Variants in SNX24 observed in about 807,000 individuals in gnomAD.
SNX24 encodes sorting nexin-24.
Under a neutral mutation model 28.7 loss-of-function variants are expected in SNX24, and 22 were observed. That is an observed-to-expected ratio of 0.77 (90% CI 0.55 to 1.10). The LOEUF (loss-of-function observed/expected upper bound fraction) is 1.10, where lower values mean the gene tolerates loss of function less well. SNX24 is among the 50% of genes least tolerant of loss of function. The probability of loss-of-function intolerance (pLI) is 0.00; values close to 1 mark genes in which losing one functional copy is unlikely to be tolerated. For synonymous variants in SNX24, 69 were observed against 71.5 expected, an observed-to-expected ratio of 0.96 and a Z score of 0.18; for missense variants, 221 against 201.1, an observed-to-expected ratio of 1.10 and a Z score of -0.60.
intron 3 of SNX24, among the ~76,000 whole-genome samples, chr5:122,997,449 G>C (rs1762089198): frequency 6.6e-6 from 1 of 152,162 alleles, no homozygotes; most frequent in Admixed American, 6.5e-5. Context: ...AACTCTGTTT[G>C]GGGAAGCTGA....
At chr5:122,888,891 G>A (rs916415258) in intron 1 of SNX24, among the ~76,000 whole-genome samples, 7 of 152,176 alleles carry the variant, frequency 4.6e-5, no homozygotes, top group African/African-American at 9.6e-5. Flanking sequence ...TCACTCTGTC[G>A]CCAAGAATGG....
chr5:123,000,258 C>T (rs1762201235), intron 4 of SNX24, among the ~76,000 whole-genome samples: 1 of 152,218 alleles, frequency 6.6e-6, no homozygotes, highest in Admixed American at 6.5e-5. Flanking sequence ...TTTTCAATTA[C>T]ACTGTTACAT....
At chr5:123,021,064 C>G (rs1418451608) in intron 5 of SNX24, among the ~76,000 whole-genome samples, 1 of 152,024 alleles carries the variant, frequency 6.6e-6, no homozygotes, top group East Asian at 1.9e-4. Context: ...CTGCCCATCA[C>G]TGATGACCAC....
Position 123,007,899 on chromosome 5 carries a change from A to T in SNX24, c.*150A>T. 1 of 1,447,160 alleles carries T rather than the reference A, an allele frequency of 6.9e-7. No homozygotes were observed. Among genetic ancestry groups the T allele is most frequent in the African/African-American group, 1.4e-5 (1 of 69,208 alleles). 89.6% of individuals were successfully genotyped at this position (1,447,160 alleles called of 1,614,324 possible). On this transcript the variant is annotated 3_prime_UTR_variant, in exon 7 of 7. Transcript: ENST00000261369. ...TCCCAGCTTAATTCAGGGCAGGGAC[A>T]TTTCCATTAGAATGGTGCTCTTAAA...
chr5:122,859,384 C>A (rs886750850), intron 1 of SNX24, among the ~76,000 whole-genome samples: 11 of 151,898 alleles, frequency 7.2e-5, no homozygotes, highest in Admixed American at 7.2e-4. Context: ...TGGGAAGATC[C>A]CTTGAGCCCA....
At chr5:122,857,096 C>T (rs1197169265) in intron 1 of SNX24, among the ~76,000 whole-genome samples, 1 of 152,070 alleles carries the variant, frequency 6.6e-6, no homozygotes, top group East Asian at 1.9e-4. Context: ...ACCACAACCT[C>T]CGCCTCCCGG....
At chr5:122,937,453 C>T (rs1212611036) in intron 2 of SNX24, among the ~76,000 whole-genome samples, 1 of 152,118 alleles carries the variant, frequency 6.6e-6, no homozygotes, top group Non-Finnish European at 1.5e-5. Flanking sequence ...GTTATTAAAG[C>T]ACAGAAGAGT....
chr5:122,858,905 G>C (rs1755328237), intron 1 of SNX24, among the ~76,000 whole-genome samples: 1 of 152,016 alleles, frequency 6.6e-6, no homozygotes, highest in African/African-American at 2.4e-5. Flanking sequence ...CCACCACCAC[G>C]CCTGGCCAAT....
intron 1 of SNX24, among the ~76,000 whole-genome samples, chr5:122,893,569 A>C (rs147930649): frequency 6.6e-6 from 1 of 152,166 alleles, no homozygotes; most frequent in East Asian, 1.9e-4. Context: ...GCATATACAC[A>C]TATTTTAAAT....
chr5:122,848,541 TAAAAA>T (rs33950601), intron 1 of SNX24, among the ~76,000 whole-genome samples: 1 of 135,172 alleles, frequency 7.4e-6, no homozygotes, highest in Admixed American at 7.3e-5. Flanking sequence ...CATCTCTACT[TAAAAA>T]AAAAAAAAAA....
At chr5:122,906,089 A>C (rs1284362054) in intron 1 of SNX24, among the ~76,000 whole-genome samples, 1 of 152,244 alleles carries the variant, frequency 6.6e-6, no homozygotes, top group Non-Finnish European at 1.5e-5. Flanking sequence ...ACCTGCAGGT[A>C]AAGTGTTCCT....
Position 122,903,231 on chromosome 5 carries a change from C to T in SNX24, c.61-33503C>T, listed in dbSNP as rs141749466. On this transcript the variant is annotated intron_variant, in intron 1 of 6. Coordinates refer to ENST00000261369, the MANE Select transcript of SNX24 (RefSeq NM_014035.4). ...CAGAGGATCCTCCCACCTCAGCCTC[C>T]CTAGTCACTGGGACTACAGGCATGT... is the stretch of plus-strand genomic sequence containing the variant. 9.2e-5 allele frequency among the ~76,000 whole-genome samples: 14 copies of T among 152,134 alleles called. No individual in the cohort carries two copies. The East Asian group carries it at 1.2e-3, about 13-fold the overall frequency.
intron 3 of SNX24, among the ~76,000 whole-genome samples, chr5:122,988,938 A>C (rs1424795275): frequency 6.6e-6 from 1 of 152,184 alleles, no homozygotes; most frequent in Non-Finnish European, 1.5e-5. Context: ...TTAAAGTAGT[A>C]AATTAAAAAT....
intron 3 of SNX24, among the ~76,000 whole-genome samples, chr5:122,966,077 A>G (rs192574904): frequency 5.9e-5 from 9 of 152,222 alleles, no homozygotes; most frequent in African/African-American, 1.9e-4. Flanking sequence ...TTTAGTGCCA[A>G]AAACTGTTTT....
chr5:123,000,874 A>C (rs1461475614), intron 4 of SNX24, among the ~76,000 whole-genome samples: 1 of 152,220 alleles, frequency 6.6e-6, no homozygotes, highest in Non-Finnish European at 1.5e-5. Flanking sequence ...TAACTACAAG[A>C]AAATCAAGCA....
intron 3 of SNX24, among the ~76,000 whole-genome samples, chr5:122,980,447 C>G (rs1761344530): frequency 6.6e-6 from 1 of 152,126 alleles, no homozygotes; most frequent in African/African-American, 2.4e-5. Context: ...TTAGCTTTGT[C>G]TCTTCCCAAT....
At chr5:123,028,797 G>A (rs375762834) in intron 5 of SNX24, 2 of 1,613,500 alleles carry the variant, frequency 1.2e-6, no homozygotes, top group Non-Finnish European at 1.7e-6. Context: ...CTCCAGTGGT[G>A]ATGTCACCTC....
At chr5:122,991,909 C>A (rs565370595) in intron 3 of SNX24, among the ~76,000 whole-genome samples, 2 of 151,904 alleles carry the variant, frequency 1.3e-5, no homozygotes, top group East Asian at 3.9e-4. Flanking sequence ...TTTAATTGAA[C>A]CAATTTCAAT....
intron 3 of SNX24, among the ~76,000 whole-genome samples, chr5:122,963,479 G>T (rs745349174): frequency 1.3e-5 from 2 of 152,146 alleles, no homozygotes; most frequent in Non-Finnish European, 2.9e-5. Context: ...AAGGTAGATG[G>T]TTTTATCTGA....
Sources: allele counts gnomAD v4.1 joint callset (sites outside exome capture counted in the v4.1 genomes callset), GRCh38; gene constraint gnomAD v4.1.1; transcripts MANE v1.5; gene names NCBI Gene and HGNC (gene_info 2026-07-23, HGNC 2026-07-21).